The following SLC25A13 variants were observed in gnomAD, a reference collection of about 807,000 sequenced individuals.
SLC25A13 encodes electrogenic aspartate/glutamate antiporter SLC25A13, mitochondrial.
A neutral mutation model predicts 85.5 loss-of-function variants in SLC25A13; 70 were observed. That is an observed-to-expected ratio of 0.82 (90% CI 0.68 to 1.00). The LOEUF is 1.00. Among genes scored for constraint, SLC25A13 ranks in the 50% least tolerant of loss-of-function variants. SLC25A13 has a pLI of 0.00. For missense variants in SLC25A13, 765 were observed against 819.8 expected, an observed-to-expected ratio of 0.93 and a Z score of 0.82; for synonymous variants, 259 against 288.7, an observed-to-expected ratio of 0.90 and a Z score of 1.04.
chr7:96,147,055 C>T (rs1254683553), intron 13 of SLC25A13, among the ~76,000 whole-genome samples: 1 of 46,098 alleles, frequency 2.2e-5, no homozygotes, highest in Non-Finnish European at 3.9e-5. Context: ...GAAAAGCATT[C>T]GTATCCAAAT....
intron 11 of SLC25A13, among the ~76,000 whole-genome samples, chr7:96,173,054 G>A (rs1262598747): frequency 2.0e-5 from 3 of 152,282 alleles, no homozygotes; most frequent in African/African-American, 4.8e-5. Flanking sequence ...CACAGCGCCC[G>A]GCCTCCAGTT....
intron 4 of SLC25A13, among the ~76,000 whole-genome samples, chr7:96,222,546 A>G (rs1420466305): frequency 6.6e-6 from 1 of 152,148 alleles, no homozygotes; most frequent in East Asian, 1.9e-4. Context: ...CCTGGGTTCA[A>G]GTTATTCTCC....
At chr7:96,190,535 C>T (rs200519637) in intron 7 of SLC25A13, among the ~76,000 whole-genome samples, 2 of 152,158 alleles carry the variant, frequency 1.3e-5, no homozygotes, top group East Asian at 3.8e-4. Flanking sequence ...TTAGCTCAAG[C>T]TGTAGCAAGA....
In SLC25A13 at chr7:96,277,199, T is replaced by C; in HGVS notation, c.209A>G (p.Asp70Gly). The C allele has an allele frequency of 6.3e-7, 1 of 1,582,964 alleles. No individual in the cohort carries two copies. The highest frequency in any genetic ancestry group is 8.6e-7 in the Non-Finnish European group (1 of 1,162,894). ...LLSGVVDQTKDGLISFQEFVA... is the reference protein window; with the variant it reads ...LLSGVVDQTKGGLISFQEFVA... ...AAATAATTAAAAATAAACATACCCATCTTTGGTCTGATCCACCACTCCACT... is the reference window on the plus strand; with the variant it reads ...AAATAATTAAAAATAAACATACCCACCTTTGGTCTGATCCACCACTCCACT... Residue 70 changes from aspartate (D) to glycine (G), a missense_variant, in exon 3 of 18, where the codon GAT (aspartate) becomes GGT (glycine). Physicochemically the swap from Asp to Gly is moderately conservative, Grantham distance 94. Coordinates refer to ENST00000265631, the MANE Select transcript of SLC25A13 (RefSeq NM_014251.3).
intron 4 of SLC25A13, among the ~76,000 whole-genome samples, chr7:96,217,982 T>C (rs760312273): frequency 4.6e-5 from 7 of 151,852 alleles, no homozygotes; most frequent in Non-Finnish European, 1.0e-4. Context: ...TTACTTACTC[T>C]GACTCAATTC....
At chr7:96,153,799 T>C (rs1292742053) in intron 13 of SLC25A13, among the ~76,000 whole-genome samples, 1 of 152,230 alleles carries the variant, frequency 6.6e-6, no homozygotes, top group Non-Finnish European at 1.5e-5. Flanking sequence ...TATATATCTT[T>C]ATTAGAGGAG....
At chr7:96,284,192 T>C (rs1266541611) in intron 2 of SLC25A13, among the ~76,000 whole-genome samples, 1 of 151,960 alleles carries the variant, frequency 6.6e-6, no homozygotes, top group East Asian at 1.9e-4. Context: ...GAAAACAGTA[T>C]TTTTTTCTCC....
chr7:96,174,477 T>C (rs1175195781), intron 11 of SLC25A13, among the ~76,000 whole-genome samples: 1 of 152,258 alleles, frequency 6.6e-6, no homozygotes, highest in East Asian at 1.9e-4. Context: ...AACATTAATT[T>C]CTACTAGTAA....
Position 96,184,306 on chromosome 7 carries a change from C to G in SLC25A13, c.1148G>C (p.Arg383Pro), listed in dbSNP as rs949468946. 1 of 1,614,008 alleles carries G rather than the reference C, an allele frequency of 6.2e-7. No individual in the cohort carries two copies. Among genetic ancestry groups the G allele is most frequent in the Non-Finnish European group, 8.5e-7 (1 of 1,180,026 alleles). The change falls in exon 11 of 18, where the codon CGC becomes CCC. Residue 383 changes from arginine (R) to proline (P), a missense_variant. Coordinates refer to ENST00000265631, the MANE Select transcript of SLC25A13 (RefSeq NM_014251.3). ...ATACAGTCCAAAGAAGCCTTCATAG[C>G]GTAGCACTTTCTTAAAACAGTCAAA... is the stretch of plus-strand genomic sequence containing the variant. ...NSFDCFKKVL[R>P]YEGFFGLYRG... is the part of the protein sequence containing the mutation.
At chr7:96,283,694 C>A in intron 2 of SLC25A13, 2 of 287,802 alleles carry the variant, frequency 6.9e-6, no homozygotes, top group South Asian at 7.4e-5. Context: ...GAAAAATGAT[C>A]AGAAAAAGAA....
rs918466497 is a variant in SLC25A13, at chr7:96,129,581, A to T, written c.1591+2162T>A. Among the ~76,000 whole-genome samples the T allele has an allele frequency of 2.0e-5, 3 of 152,376 alleles. No individual in the cohort carries two copies. In the South Asian group the frequency reaches 6.2e-4, roughly 32 times the overall value. On this transcript the variant is annotated intron_variant, in intron 15 of 17. Transcript: ENST00000265631. ...AATACATAAGATGCAGCAATTAGAA[A>T]CTATGTTCGGAAAGTTTTAAATAAT... is the stretch of plus-strand genomic sequence containing the variant.
Position 96,133,552 on chromosome 7 carries a change from C to T in SLC25A13, c.1453-1671G>A, listed in dbSNP as rs1309587006. ...CCAGCTCTTTCAAAGGGAAAACATA[C>T]AGTATAATGTTAATAACTGTGTGTA... is the stretch of plus-strand genomic sequence containing the variant. On this transcript the variant is annotated intron_variant, in intron 14 of 17. Transcript: ENST00000265631. Among the ~76,000 whole-genome samples, 5 of 152,160 alleles carry T rather than the reference C, an allele frequency of 3.3e-5. No individual in the cohort carries two copies. The South Asian group carries it at 1.0e-3, about 31-fold the overall frequency.
chr7:96,174,459 A>G (rs1431447697), intron 11 of SLC25A13, among the ~76,000 whole-genome samples: 4 of 152,240 alleles, frequency 2.6e-5, no homozygotes, highest in African/African-American at 4.8e-5. Context: ...ATTACCTAAT[A>G]AAAGTACAAC....
intron 2 of SLC25A13, chr7:96,283,880 T>C (rs1204917340): frequency 7.1e-6 from 1 of 140,914 alleles, no homozygotes; most frequent in Non-Finnish European, 1.5e-5. Flanking sequence ...GTCCACTCCC[T>C]CAAAGAAATA....
At chr7:96,232,526 T>C (rs914242437) in intron 4 of SLC25A13, among the ~76,000 whole-genome samples, 1 of 150,438 alleles carries the variant, frequency 6.6e-6, no homozygotes, top group Non-Finnish European at 1.5e-5. Context: ...AAATAATTTG[T>C]ACAACAAACC....
At chr7:96,286,324 C>G (rs1307743134) in intron 2 of SLC25A13, among the ~76,000 whole-genome samples, 3 of 151,774 alleles carry the variant, frequency 2.0e-5, no homozygotes, top group Non-Finnish European at 4.4e-5. Context: ...TGCCTTAGCC[C>G]CACATGTTTT....
intron 3 of SLC25A13, among the ~76,000 whole-genome samples, chr7:96,240,407 GTT>G (rs1796925205): frequency 6.6e-6 from 1 of 152,168 alleles, no homozygotes; most frequent in Admixed American, 6.5e-5. Context: ...ACCAGCTGCA[GTT>G]TGACTTCAAT....
intron 13 of SLC25A13, among the ~76,000 whole-genome samples, chr7:96,161,647 T>C (rs781781506): frequency 1.3e-5 from 2 of 152,148 alleles, no homozygotes; most frequent in African/African-American, 2.4e-5. Flanking sequence ...CACAAAGTTA[T>C]GAAGGAAGAT....
At chr7:96,188,888 G>A (rs979820039) in intron 9 of SLC25A13, among the ~76,000 whole-genome samples, 3 of 152,160 alleles carry the variant, frequency 2.0e-5, no homozygotes, top group Non-Finnish European at 2.9e-5. Context: ...TAGACGATGC[G>A]CTGATGAAGG....
Sources: allele counts gnomAD v4.1 joint callset (sites outside exome capture counted in the v4.1 genomes callset), GRCh38; gene constraint gnomAD v4.1.1; transcripts MANE v1.5; gene names NCBI Gene and HGNC (gene_info 2026-07-23, HGNC 2026-07-21).